The following KLF13 variants were observed in gnomAD, a reference collection of about 807,000 sequenced individuals.
The protein encoded by KLF13 is Krueppel-like factor 13.
In KLF13, 8 loss-of-function variants were observed where a neutral mutation model predicts 16.7. The ratio of observed to expected loss-of-function variants is 0.48; its 90% CI spans 0.28 to 0.87. The LOEUF is 0.87. Ranked by LOEUF, KLF13 falls within the 40% of genes least tolerant of loss-of-function variation. KLF13 has a pLI of 0.10. For missense variants in KLF13, 447 were observed against 452.2 expected, an observed-to-expected ratio of 0.99 and a Z score of 0.10; for synonymous variants, 245 against 208.4, an observed-to-expected ratio of 1.18 and a Z score of -1.51.
intron 1 of KLF13, among the ~76,000 whole-genome samples, chr15:31,342,278 C>T (rs1180213878): frequency 2.0e-5 from 3 of 152,150 alleles, no homozygotes; most frequent in African/African-American, 7.2e-5. Flanking sequence ...TGACCCCACC[C>T]CAAGGAAAGG....
downstream of KLF13, among the ~76,000 whole-genome samples, chr15:31,380,217 G>T (rs980899796): frequency 6.6e-6 from 1 of 152,124 alleles, no homozygotes; most frequent in Non-Finnish European, 1.5e-5. Flanking sequence ...GTTTGAACCC[G>T]GGAGGCAGAG....
At position 31,349,883 on chromosome 15, in the gene KLF13, A is replaced by G. The variant is rs111735610; in HGVS notation, c.577+22094A>G. On this transcript the variant is annotated intron_variant, in intron 1 of 1. Transcript: ENST00000307145. ...ATTAATGAAAAGCAGATGAGCTCAGATGTCCCTGGAATTCCACATGAAGTT... is the reference window on the plus strand; with the variant it reads ...ATTAATGAAAAGCAGATGAGCTCAGGTGTCCCTGGAATTCCACATGAAGTT... Among the ~76,000 whole-genome samples, 314 of 152,324 alleles carry G rather than the reference A, an allele frequency of 2.1e-3. 1 individual carries two copies. Among genetic ancestry groups the G allele is most frequent in the African/African-American group, 6.7e-3 (280 of 41,574 alleles).
At chr15:31,343,796 A>G (rs531952882) in intron 1 of KLF13, among the ~76,000 whole-genome samples, 2 of 152,170 alleles carry the variant, frequency 1.3e-5, no homozygotes, top group African/African-American at 4.8e-5. Context: ...GCGGGTCACC[A>G]TGACTCCATG....
chr15:31,336,743 G>T (rs991959156), intron 1 of KLF13, among the ~76,000 whole-genome samples: 1 of 152,144 alleles, frequency 6.6e-6, no homozygotes, highest in African/African-American at 2.4e-5. Context: ...GACTGGGAGT[G>T]GGGCAGAGGG....
intron 1 of KLF13, among the ~76,000 whole-genome samples, chr15:31,429,371 T>A (rs988208176): frequency 1.3e-5 from 2 of 152,190 alleles, no homozygotes; most frequent in African/African-American, 2.4e-5. Context: ...TTACATATGA[T>A]ACCAAGAATG....
At chr15:31,345,661 C>G (rs979859801) in intron 1 of KLF13, among the ~76,000 whole-genome samples, 1 of 152,226 alleles carries the variant, frequency 6.6e-6, no homozygotes, top group Admixed American at 6.5e-5. Flanking sequence ...GCCCTACTCA[C>G]TGTCTTCCAG....
At chr15:31,352,534 A>G (rs1485357050) in intron 1 of KLF13, among the ~76,000 whole-genome samples, 1 of 152,166 alleles carries the variant, frequency 6.6e-6, no homozygotes, top group Non-Finnish European at 1.5e-5. Flanking sequence ...TAGCGTCTGT[A>G]TGTGGTGCCA....
chr15:31,352,583 GTGGAAGGGCCTGTCAGCA>G (rs946492235), intron 1 of KLF13, among the ~76,000 whole-genome samples: 1 of 152,190 alleles, frequency 6.6e-6, no homozygotes, highest in African/African-American at 2.4e-5. Context: ...TGCTGGCCCC[GTGGAAGGGCCTGTCAGCA>G]TGTACTCTCT....
chr15:31,400,035 G>T (rs1182424048), intron 2 of KLF13, among the ~76,000 whole-genome samples: 5 of 152,196 alleles, frequency 3.3e-5, no homozygotes, highest in Non-Finnish European at 5.9e-5. Context: ...CGTCAGCACT[G>T]CTTGGACCCA....
Position 31,376,504 on chromosome 15 carries a change from C to T in KLF13, c.*4205C>T, listed in dbSNP as rs1486407717. On this transcript the variant is annotated 3_prime_UTR_variant, in exon 2 of 2. Transcript: ENST00000307145. ...ATTCTGGTCACCATATTTTCCAAAG[C>T]TAAAATCTGAGGCGTGGGCTGATGG... 6.6e-6 allele frequency: 1 copy of T among 152,638 alleles called. No individual in the cohort carries two copies. Among genetic ancestry groups the T allele is most frequent in the East Asian group, 1.9e-4 (1 of 5,180 alleles). 9.5% of individuals were successfully genotyped at this position (152,638 alleles called of 1,614,324 possible). A position where few individuals can be genotyped will look rare whatever the true frequency, so the allele number is the denominator to read the frequency against.
intron 1 of KLF13, among the ~76,000 whole-genome samples, chr15:31,425,583 A>G (rs1029864807): frequency 1.3e-5 from 2 of 152,202 alleles, no homozygotes; most frequent in Non-Finnish European, 2.9e-5. Context: ...TGATGAATAT[A>G]AAGATTTCAG....
rs545462745 is a variant in KLF13, at chr15:31,341,823, A to C, written c.577+14034A>C. Among the ~76,000 whole-genome samples, 3 of 152,314 alleles carry C rather than the reference A, an allele frequency of 2.0e-5. No homozygotes were observed. In the South Asian group the frequency reaches 6.2e-4, roughly 32 times the overall value. On this transcript the variant is annotated intron_variant, in intron 1 of 1. Coordinates refer to ENST00000307145, the MANE Select transcript of KLF13 (RefSeq NM_015995.4). Reference sequence around the variant, plus strand: ...TGTGGGGTGATGCTCCTGGCATCCCAGCCCCAGGCGCATCCAGCCTCAGCT... The same window carrying C: ...TGTGGGGTGATGCTCCTGGCATCCCCGCCCCAGGCGCATCCAGCCTCAGCT...
rs1462511555 is a variant in KLF13 at position 31,327,556 on chromosome 15, C to G, written c.344C>G (p.Ala115Gly). The G allele has an allele frequency of 1.8e-6, 2 of 1,120,674 alleles. No individual in the cohort carries two copies. Among genetic ancestry groups the G allele is most frequent in the Non-Finnish European group, 2.2e-6 (2 of 914,942 alleles). The allele number at this position is 1,120,674 out of a possible 1,614,324, so 69.4% of individuals were successfully genotyped here. A position where few individuals can be genotyped will look rare whatever the true frequency, so the allele number is the denominator to read the frequency against. ...PTSPGAEGAAAAPPSPAWSEP... is the reference protein window; with the variant it reads ...PTSPGAEGAAGAPPSPAWSEP... The stretch of plus-strand genomic sequence containing the variant: ...TCCCCCGGCGCCGAAGGCGCGGCGG[C>G]CGCGCCCCCCAGCCCGGCGTGGAGC... Residue 115 changes from alanine (A) to glycine (G), a missense_variant, in exon 1 of 2, where the codon GCC becomes GGC. Transcript: ENST00000307145.
rs1014423726 is a variant in KLF13 at position 31,374,587 on chromosome 15, C to T, written c.*2288C>T. 1 of 152,562 alleles carries T rather than the reference C, an allele frequency of 6.6e-6. No individual in the cohort carries two copies. Among genetic ancestry groups the T allele is most frequent in the African/African-American group, 2.4e-5 (1 of 41,430 alleles). The allele number at this position is 152,562 out of a possible 1,614,324, so 9.5% of individuals were successfully genotyped here. ...ATACATTTTATGTCTCAGGAATTCA[C>T]ATTCCAGGTTCAGGAATTTTATTCC... On this transcript the variant is annotated 3_prime_UTR_variant, in exon 2 of 2. Transcript: ENST00000307145.
intron 1 of KLF13, among the ~76,000 whole-genome samples, chr15:31,367,514 C>T (rs1343908151): frequency 2.6e-5 from 4 of 152,218 alleles, no homozygotes; most frequent in Non-Finnish European, 5.9e-5. Flanking sequence ...TGCTGCATTT[C>T]TCTGCGGCCC....
At chr15:31,371,967 G>C (rs778155677) in intron 1 of KLF13, 43 bp from the exon 2 acceptor site, 7 of 1,543,724 alleles carry the variant, frequency 4.5e-6, no homozygotes, top group Non-Finnish European at 4.4e-6. Flanking sequence ...GTGTGAAGGC[G>C]GGGCCAGGTG....
At chr15:31,415,227 A>G (rs1477501847) in intron 1 of KLF13, among the ~76,000 whole-genome samples, 7 of 152,300 alleles carry the variant, frequency 4.6e-5, no homozygotes, top group African/African-American at 1.7e-4. Context: ...AGCCTGCAGA[A>G]CCATGAGCTA....
In KLF13 at chr15:31,368,818, G is replaced by C. The variant is rs948599008; in HGVS notation, c.578-3192G>C. On this transcript the variant is annotated intron_variant, in intron 1 of 1. Transcript: ENST00000307145. ...AGTGACAGAGCAAGACTCTATCTCAGATTAGATAGATAGATAGATAGATAG... is the reference window on the plus strand; with the variant it reads ...AGTGACAGAGCAAGACTCTATCTCACATTAGATAGATAGATAGATAGATAG... 3.3e-5 allele frequency among the ~76,000 whole-genome samples: 5 copies of C among 151,506 alleles called. No individual in the cohort carries two copies. The South Asian group carries it at 1.0e-3, about 31-fold the overall frequency.
downstream of KLF13, among the ~76,000 whole-genome samples, chr15:31,405,439 A>T (rs7175258): frequency 1.3e-5 from 2 of 152,246 alleles, no homozygotes; most frequent in African/African-American, 4.8e-5. Flanking sequence ...GTCACCAAAT[A>T]TGCTGGCGCC....
Sources: allele counts gnomAD v4.1 joint callset (sites outside exome capture counted in the v4.1 genomes callset), GRCh38; gene constraint gnomAD v4.1.1; transcripts MANE v1.5; gene names NCBI Gene and HGNC (gene_info 2026-07-23, HGNC 2026-07-21).